Variants in PLCG2 observed in about 807,000 individuals in gnomAD.
The protein encoded by PLCG2 is 1-phosphatidylinositol 4,5-bisphosphate phosphodiesterase gamma-2.
Under a neutral mutation model 175.6 loss-of-function variants are expected in PLCG2, and 69 were observed. The ratio of observed to expected loss-of-function variants is 0.39; its 90% CI spans 0.32 to 0.48. PLCG2 has a LOEUF of 0.48. PLCG2 is among the 20% of genes least tolerant of loss of function. The pLI is 0.91. For missense variants in PLCG2, 1,798 were observed against 1,650.9 expected, an observed-to-expected ratio of 1.09 and a Z score of -1.54; for synonymous variants, 827 against 624.0, an observed-to-expected ratio of 1.33 and a Z score of -4.85.
chr16:81,942,021 C>T (rs1010819944), intron 30 of PLCG2, among the ~76,000 whole-genome samples: 33 of 152,192 alleles, frequency 2.2e-4, no homozygotes, highest in African/African-American at 7.7e-4. Context: ...GACACCAATT[C>T]TTCTGGTGCA....
chr16:81,836,167 A>G (rs563697940), intron 2 of PLCG2, among the ~76,000 whole-genome samples: 1 of 152,296 alleles, frequency 6.6e-6, no homozygotes, highest in African/African-American at 2.4e-5. Context: ...TAGTGTTTTC[A>G]TACCCTAGAG....
Position 81,896,401 on chromosome 16 carries a change from CACACACACACACACACACACACACAA to C in PLCG2, c.1193+476_1193+501del, listed in dbSNP as rs1207683393. 1.6e-3 allele frequency among the ~76,000 whole-genome samples: 237 copies of C among 145,476 alleles called. No homozygotes were observed. The Middle Eastern group carries it at 0.018, about 11-fold the overall frequency. ...ACACACACACACACACACACACACA[CACACACACACACACACACACACACAA>C]ATCATCTGGGTGTAGTGGCATGTGC... On this transcript the variant is annotated intron_variant, in intron 13 of 32. Transcript: ENST00000564138.
intron 3 of PLCG2, among the ~76,000 whole-genome samples, chr16:81,855,271 G>A (rs2143477612): frequency 6.6e-6 from 1 of 151,802 alleles, no homozygotes; most frequent in South Asian, 2.1e-4. Context: ...AAATCTGATT[G>A]ATCTGAAGGA....
chr16:81,947,972 C>T (rs140943078), intron 31 of PLCG2, among the ~76,000 whole-genome samples: 1,526 of 152,274 alleles, frequency 0.01, 12 homozygotes, highest in Non-Finnish European at 0.015. Flanking sequence ...TTCTACTTCA[C>T]AGACGACTTT....
intron 2 of PLCG2, among the ~76,000 whole-genome samples, chr16:81,845,232 T>G (rs534061879): frequency 1.2e-3 from 187 of 152,344 alleles, no homozygotes; most frequent in African/African-American, 4.3e-3. Context: ...TGAGCCATTG[T>G]TCCCTGTCCC....
intron 22 of PLCG2, among the ~76,000 whole-genome samples, chr16:81,926,223 G>T (rs902342178): frequency 6.6e-6 from 1 of 152,204 alleles, no homozygotes; most frequent in Non-Finnish European, 1.5e-5. Flanking sequence ...GGAGTCCTGG[G>T]GTCAGACTGT....
rs1182551364 is a variant in PLCG2 at position 81,958,813 on chromosome 16, G to GC, written c.*818dup. ...AACTGGCTGGGAGGCTGCTGGAATG[G>GC]CCCTTGGTCCACAGCTCTCCACAGG... is the stretch of plus-strand genomic sequence containing the variant. On this transcript the variant is annotated 3_prime_UTR_variant, in exon 33 of 33. Transcript: ENST00000564138. 5.0e-5 allele frequency: 11 copies of GC among 221,732 alleles called. No individual in the cohort carries two copies. In the East Asian group the frequency reaches 7.2e-4, roughly 15 times the overall value. 13.7% of individuals were successfully genotyped at this position (221,732 alleles called of 1,614,324 possible).
intron 2 of PLCG2, among the ~76,000 whole-genome samples, chr16:81,791,517 A>C (rs750003619): frequency 1.3e-5 from 2 of 152,176 alleles, no homozygotes; most frequent in African/African-American, 4.8e-5. Context: ...TCACTCACAC[A>C]TCTGATACCT....
intron 30 of PLCG2, among the ~76,000 whole-genome samples, chr16:81,943,482 C>T (rs1483330260): frequency 3.9e-5 from 6 of 152,168 alleles, no homozygotes; most frequent in Non-Finnish European, 8.8e-5. Flanking sequence ...TATCCAGTCA[C>T]CTCCCACCCG....
intron 1 of PLCG2, among the ~76,000 whole-genome samples, chr16:81,754,240 C>T (rs919387843): frequency 1.3e-5 from 2 of 150,698 alleles, no homozygotes; most frequent in Admixed American, 6.6e-5. Context: ...CTTCTCCACC[C>T]ATCCCCACCT....
At chr16:81,776,229 C>T (rs981988057), upstream of PLCG2, among the ~76,000 whole-genome samples, 21 of 151,206 alleles carry the variant, frequency 1.4e-4, no homozygotes, top group African/African-American at 4.6e-4. Context: ...CTGCCTCAGC[C>T]TCCTGAGTAG....
chr16:81,935,467 G>A (rs1910669153), intron 26 of PLCG2: 1 of 941,158 alleles, frequency 1.1e-6, no homozygotes, highest in Admixed American at 6.2e-5. Flanking sequence ...CAGGTAGCAA[G>A]CTTTTTGATG....
intron 30 of PLCG2, 68 bp downstream of exon 30, chr16:81,940,127 C>T: frequency 2.2e-6 from 3 of 1,336,560 alleles, no homozygotes; most frequent in Non-Finnish European, 3.2e-6. Context: ...CTGCTGGCTT[C>T]AAAAAGAATG....
chr16:81,809,522 G>A (rs764025013), intron 2 of PLCG2, among the ~76,000 whole-genome samples: 1 of 152,060 alleles, frequency 6.6e-6, no homozygotes, highest in Non-Finnish European at 1.5e-5. Flanking sequence ...GTGATTCCTG[G>A]GATAGCCCCC....
rs544443864 is a variant in PLCG2, at chr16:81,810,410, A to G, written c.193+24228A>G. Among the ~76,000 whole-genome samples the G allele has an allele frequency of 2.9e-4, 44 of 152,256 alleles. No homozygotes were observed. In the Middle Eastern group the frequency reaches 0.014, roughly 47 times the overall value. On this transcript the variant is annotated intron_variant, in intron 2 of 32. Transcript: ENST00000564138. ...GGCCTTCGTTATTTGCAGCATCAGTATTGGTGAATTTGCCTTTCTGCTCCA... is the reference window on the plus strand; with the variant it reads ...GGCCTTCGTTATTTGCAGCATCAGTGTTGGTGAATTTGCCTTTCTGCTCCA...
At chr16:81,776,407 C>A (rs1422593491), upstream of PLCG2, among the ~76,000 whole-genome samples, 1 of 152,008 alleles carries the variant, frequency 6.6e-6, no homozygotes, top group Admixed American at 6.6e-5. Context: ...CCGCGCCCGG[C>A]TCAGAGTGGT....
chr16:81,775,476 C>G (rs544890739), upstream of PLCG2, among the ~76,000 whole-genome samples: 3 of 152,246 alleles, frequency 2.0e-5, no homozygotes, highest in African/African-American at 7.2e-5. Context: ...GTAACAATTC[C>G]TAAAATAGTC....
At chr16:81,944,624 C>A (rs1295824494) in intron 30 of PLCG2, among the ~76,000 whole-genome samples, 1 of 152,044 alleles carries the variant, frequency 6.6e-6, no homozygotes, top group Non-Finnish European at 1.5e-5. Context: ...ATCACTGTGC[C>A]CAGCTAAATT....
At chr16:81,788,818 CTT>C (rs780469796) in intron 2 of PLCG2, among the ~76,000 whole-genome samples, 1 of 152,348 alleles carries the variant, frequency 6.6e-6, no homozygotes, top group Non-Finnish European at 1.5e-5. Flanking sequence ...CATCTTCCCT[CTT>C]GACTGTTTGC....
Sources: allele counts gnomAD v4.1 joint callset (sites outside exome capture counted in the v4.1 genomes callset), GRCh38; gene constraint gnomAD v4.1.1; transcripts MANE v1.5; gene names NCBI Gene and HGNC (gene_info 2026-07-23, HGNC 2026-07-21).